Variants in MITF observed in about 807,000 individuals in gnomAD.
MITF encodes microphthalmia-associated transcription factor.
In MITF, 17 loss-of-function variants were observed where a neutral mutation model predicts 60.5. That is an observed-to-expected ratio of 0.28 (90% CI 0.19 to 0.42). MITF has a LOEUF of 0.42. MITF is among the 10% of genes least tolerant of loss of function. MITF has a pLI of 1.00. For missense variants in MITF, 622 were observed against 683.5 expected, an observed-to-expected ratio of 0.91 and a Z score of 1.00; for synonymous variants, 260 against 248.5, an observed-to-expected ratio of 1.05 and a Z score of -0.43.
intron 1 of MITF, among the ~76,000 whole-genome samples, chr3:69,843,668 T>C (rs955788331): frequency 3.3e-5 from 5 of 152,210 alleles, no homozygotes; most frequent in African/African-American, 1.2e-4. Flanking sequence ...TGTATATAGT[T>C]AGTCATGTAA....
At chr3:69,801,277 C>G (rs370680600) in intron 1 of MITF, among the ~76,000 whole-genome samples, 2 of 152,010 alleles carry the variant, frequency 1.3e-5, no homozygotes, top group Admixed American at 6.6e-5. Flanking sequence ...TCCCTCTCCT[C>G]CCATTCATTA....
chr3:69,914,944 A>T (rs1315243874), intron 2 of MITF, among the ~76,000 whole-genome samples: 1 of 152,196 alleles, frequency 6.6e-6, no homozygotes, highest in East Asian at 1.9e-4. Context: ...ATTTGAATAG[A>T]TATTTATTAA....
chr3:69,787,602 G>T (rs145916092), intron 1 of MITF, among the ~76,000 whole-genome samples: 3 of 152,160 alleles, frequency 2.0e-5, no homozygotes, highest in Non-Finnish European at 4.4e-5. Flanking sequence ...GTATCTGGCC[G>T]TGGTTTTCTA....
chr3:69,799,392 T>C (rs1178807558), intron 1 of MITF, among the ~76,000 whole-genome samples: 1 of 152,152 alleles, frequency 6.6e-6, no homozygotes, highest in African/African-American at 2.4e-5. Context: ...TGACAGAAAA[T>C]TGGGCATGTA....
chr3:69,874,809 T>C (rs2107261201), intron 1 of MITF, among the ~76,000 whole-genome samples: 1 of 152,296 alleles, frequency 6.6e-6, no homozygotes, highest in East Asian at 1.9e-4. Flanking sequence ...GAGCATTGAA[T>C]TTAATGGAAT....
chr3:69,853,926 T>C (rs1356603277), intron 1 of MITF, among the ~76,000 whole-genome samples: 1 of 151,382 alleles, frequency 6.6e-6, no homozygotes, highest in Non-Finnish European at 1.5e-5. Flanking sequence ...AGTGGTGTGA[T>C]CTCAGCTCAC....
chr3:69,786,841 A>T (rs1437521901), intron 1 of MITF, among the ~76,000 whole-genome samples: 1 of 152,198 alleles, frequency 6.6e-6, no homozygotes, highest in Non-Finnish European at 1.5e-5. Context: ...ACAGCAACAA[A>T]GGAGATTTAT....
In MITF at chr3:69,965,827, C is replaced by T. The variant is rs772705108; in HGVS notation, c.*579C>T. 5 of 221,720 alleles carry T rather than the reference C, an allele frequency of 2.3e-5. No individual in the cohort carries two copies. Among genetic ancestry groups the T allele is most frequent in the African/African-American group, 1.2e-4 (5 of 42,996 alleles). The allele number at this position is 221,720 out of a possible 1,614,324, so 13.7% of individuals were successfully genotyped here. On this transcript the variant is annotated 3_prime_UTR_variant, in exon 10 of 10. Transcript: ENST00000352241. Reference sequence around the variant, plus strand: ...TATTCTGTAAAAGAAAAAAAAAATGCGGCCTTTTCATGAGGATCGTCTGGT... The same window carrying T: ...TATTCTGTAAAAGAAAAAAAAAATGTGGCCTTTTCATGAGGATCGTCTGGT...
chr3:69,861,702 C>T (rs954394234), intron 1 of MITF, among the ~76,000 whole-genome samples: 2 of 152,082 alleles, frequency 1.3e-5, no homozygotes, highest in Admixed American at 6.5e-5. Flanking sequence ...CTTGTCTTCC[C>T]CATGGCGCTG....
intron 2 of MITF, among the ~76,000 whole-genome samples, chr3:69,889,998 A>G (rs1312941488): frequency 1.3e-5 from 2 of 152,112 alleles, no homozygotes; most frequent in African/African-American, 4.8e-5. Context: ...TAAATCACAT[A>G]ATGATTTACA....
intron 1 of MITF, among the ~76,000 whole-genome samples, chr3:69,820,612 A>G (rs1170955675): frequency 6.6e-6 from 1 of 152,180 alleles, no homozygotes; most frequent in African/African-American, 2.4e-5. Context: ...TGGCCTGGTA[A>G]AACTTCTTTG....
At chr3:69,936,950 T>C (rs2065851005) in intron 2 of MITF, 2 of 256,120 alleles carry the variant, frequency 7.8e-6, no homozygotes, top group Admixed American at 5.6e-5. Context: ...TAGGATTCTT[T>C]TTTTTTTTTT....
Position 69,755,663 on chromosome 3 carries a change from A to G in MITF, c.104+15962A>G, listed in dbSNP as rs554529592. ...AGCAGAAAGGGGGGTTAGTCCAAATAGTATCCATCTTTCTCAGGGGAGAGA... is the reference window on the plus strand; with the variant it reads ...AGCAGAAAGGGGGGTTAGTCCAAATGGTATCCATCTTTCTCAGGGGAGAGA... On this transcript the variant is annotated intron_variant, in intron 1 of 9. Coordinates refer to ENST00000352241, the MANE Select transcript of MITF (RefSeq NM_001354604.2). 7.9e-5 allele frequency among the ~76,000 whole-genome samples: 12 copies of G among 152,168 alleles called. No individual in the cohort carries two copies. The East Asian group carries it at 2.3e-3, about 29-fold the overall frequency.
At chr3:69,783,093 C>T (rs1266133297) in intron 1 of MITF, among the ~76,000 whole-genome samples, 1 of 152,174 alleles carries the variant, frequency 6.6e-6, no homozygotes, top group Non-Finnish European at 1.5e-5. Context: ...TTATTCCATC[C>T]TTTCCAGGAG....
intron 2 of MITF, among the ~76,000 whole-genome samples, chr3:69,896,658 G>A (rs2064882512): frequency 6.6e-6 from 1 of 152,140 alleles, no homozygotes; most frequent in Non-Finnish European, 1.5e-5. Context: ...GCTATTCATA[G>A]GTGTGATTTT....
intron 1 of MITF, among the ~76,000 whole-genome samples, chr3:69,784,104 T>A (rs2062610954): frequency 6.6e-6 from 1 of 152,204 alleles, no homozygotes; most frequent in Non-Finnish European, 1.5e-5. Flanking sequence ...AATATCACAA[T>A]TCCATCTTTT....
At chr3:69,942,113 C>T (rs2065982728) in intron 5 of MITF, among the ~76,000 whole-genome samples, 1 of 152,078 alleles carries the variant, frequency 6.6e-6, no homozygotes, top group African/African-American at 2.4e-5. Context: ...CCTCTGAGAG[C>T]AATGCTATGA....
At chr3:69,784,452 TC>T (rs1167938556) in intron 1 of MITF, among the ~76,000 whole-genome samples, 1 of 152,204 alleles carries the variant, frequency 6.6e-6, no homozygotes, top group Non-Finnish European at 1.5e-5. Flanking sequence ...CTCTGTGATC[TC>T]AGAATAGGTA....
intron 2 of MITF, among the ~76,000 whole-genome samples, chr3:69,911,516 G>A (rs1282785224): frequency 6.6e-6 from 1 of 152,114 alleles, no homozygotes; most frequent in Non-Finnish European, 1.5e-5. Flanking sequence ...TAATTAGAAA[G>A]ACAAAGTTGA....
Sources: gnomAD v4.1 joint callset for allele counts (sites outside exome capture counted in the v4.1 genomes callset) on GRCh38, gnomAD v4.1.1 for gene constraint, MANE v1.5 for transcripts, NCBI Gene and HGNC (gene_info 2026-07-23, HGNC 2026-07-21) for gene names.